RGS6: variants seen among roughly 807,000 people sequenced by gnomAD.
RGS6 encodes regulator of G protein signaling 6, also known as regulator of G-protein signaling 6.
A neutral mutation model predicts 78.5 loss-of-function variants in RGS6; 30 were observed. The observed-to-expected ratio is 0.38, with a 90% CI of 0.29 to 0.52. The LOEUF is 0.52. Among genes scored for constraint, RGS6 ranks in the 20% least tolerant of loss-of-function variants. The pLI is 0.85. For synonymous variants in RGS6, 206 were observed against 206.0 expected (o/e 1.00, Z 0.00); for missense variants, 495 against 609.7 (o/e 0.81, Z 1.98).
At chr14:71,868,134 G>A in the RGS6 span, among the ~76,000 whole-genome samples, 1 of 152,170 alleles carries the variant, frequency 6.6e-6, no homozygotes, top group Non-Finnish European at 1.5e-5. Flanking sequence ...ACATCAGCAG[G>A]AATTGCATAG....
At chr14:72,245,877 G>A (rs2054101669) in intron 2 of RGS6, among the ~76,000 whole-genome samples, 1 of 152,142 alleles carries the variant, frequency 6.6e-6, no homozygotes, top group Admixed American at 6.5e-5. Context: ...GAAACAACAA[G>A]GTCTGTATGT....
chr14:72,615,194 G>T, the RGS6 span, among the ~76,000 whole-genome samples: 12 of 152,258 alleles, frequency 7.9e-5, no homozygotes, highest in Admixed American at 5.9e-4. Context: ...AGCCTGGGGG[G>T]CAGGGATGTG....
chr14:72,339,586 T>G (rs1346467840), intron 2 of RGS6, among the ~76,000 whole-genome samples: 1 of 151,092 alleles, frequency 6.6e-6, no homozygotes, highest in African/African-American at 2.4e-5. Context: ...ATGTAAAGAG[T>G]GGGAAGTGGG....
At chr14:72,113,078 G>GCACACA (rs1567229148) in intron 2 of RGS6, among the ~76,000 whole-genome samples, 3 of 70,504 alleles carry the variant, frequency 4.3e-5, no homozygotes, top group Non-Finnish European at 7.4e-5. Flanking sequence ...ACACACACAC[G>GCACACA]CATGCACGCA....
chr14:72,165,510 T>G (rs998347582), intron 2 of RGS6, among the ~76,000 whole-genome samples: 1 of 152,250 alleles, frequency 6.6e-6, no homozygotes, highest in Non-Finnish European at 1.5e-5. Flanking sequence ...AAAAGCGCAT[T>G]GCTGGGATTC....
intron 2 of RGS6, among the ~76,000 whole-genome samples, chr14:72,228,250 G>A (rs1458844221): frequency 1.3e-4 from 19 of 151,892 alleles, no homozygotes; most frequent in Non-Finnish European, 2.4e-4. Flanking sequence ...GCATTGTGGC[G>A]GGCGCCTGTA....
chr14:72,207,445 G>GATTGTCCACCCA (rs2042980544), intron 2 of RGS6, among the ~76,000 whole-genome samples: 1 of 152,168 alleles, frequency 6.6e-6, no homozygotes. Context: ...TTGTTCATCC[G>GATTGTCCACCCA]TACATCTAGA....
the RGS6 span, among the ~76,000 whole-genome samples, chr14:71,896,517 G>A: frequency 6.6e-6 from 1 of 152,162 alleles, no homozygotes; most frequent in Non-Finnish European, 1.5e-5. Flanking sequence ...TGTTTTATCA[G>A]CAAGGTCTTT....
chr14:72,595,744 T>C, the RGS6 span, among the ~76,000 whole-genome samples: 8 of 152,266 alleles, frequency 5.3e-5, no homozygotes, highest in Non-Finnish European at 8.8e-5. Flanking sequence ...AAGGTTACTC[T>C]GGTATTTAGC....
At chr14:72,580,317 C>A in the RGS6 span, among the ~76,000 whole-genome samples, 8 of 148,810 alleles carry the variant, frequency 5.4e-5, no homozygotes, top group East Asian at 2.0e-4. Context: ...TCCCCCCCAC[C>A]CCGACCCCAG....
chr14:71,869,950 G>A, the RGS6 span, among the ~76,000 whole-genome samples: 1 of 152,260 alleles, frequency 6.6e-6, no homozygotes, highest in East Asian at 1.9e-4. Flanking sequence ...CTGGATGCCA[G>A]CACCTTGATA....
chr14:72,134,188 TC>T (rs1309233730), intron 2 of RGS6, among the ~76,000 whole-genome samples: 1 of 152,204 alleles, frequency 6.6e-6, no homozygotes, highest in Non-Finnish European at 1.5e-5. Flanking sequence ...ATTGAACATC[TC>T]TGGTGATTTT....
intron 3 of RGS6, among the ~76,000 whole-genome samples, chr14:72,414,987 C>T (rs1056980213): frequency 1.2e-4 from 18 of 152,198 alleles, no homozygotes; most frequent in African/African-American, 4.3e-4. Context: ...CCCAGTTAGG[C>T]TACTCGGGGG....
chr14:71,889,593 G>C, the RGS6 span, among the ~76,000 whole-genome samples: 1 of 152,156 alleles, frequency 6.6e-6, no homozygotes, highest in Non-Finnish European at 1.5e-5. Context: ...GTCAGAGAGG[G>C]GATAATTGAG....
chr14:71,942,862 G>A, intron 1 of RGS6, among the ~76,000 whole-genome samples: 1 of 148,368 alleles, frequency 6.7e-6, no homozygotes, highest in Non-Finnish European at 1.5e-5. Context: ...GAACAAAATA[G>A]ATCCTCATTC....
intron 3 of RGS6, among the ~76,000 whole-genome samples, chr14:72,369,012 C>G (rs2082947151): frequency 6.6e-6 from 1 of 152,138 alleles, no homozygotes; most frequent in Admixed American, 6.5e-5. Context: ...ATAAAATGCA[C>G]TAACACTAAC....
intron 3 of RGS6, among the ~76,000 whole-genome samples, chr14:72,411,885 G>C (rs1413087515): frequency 6.6e-6 from 1 of 152,178 alleles, no homozygotes; most frequent in Non-Finnish European, 1.5e-5. Context: ...ATTTTCGTAT[G>C]TTGAACCAGC....
chr14:72,196,116 G>A (rs1247870578), intron 2 of RGS6, among the ~76,000 whole-genome samples: 6 of 152,100 alleles, frequency 3.9e-5, no homozygotes, highest in Non-Finnish European at 7.4e-5. Context: ...GAGATGCAGC[G>A]AGAATTCGAA....
chr14:72,125,131 G>T (rs761536928), intron 2 of RGS6, among the ~76,000 whole-genome samples: 7 of 152,122 alleles, frequency 4.6e-5, no homozygotes, highest in Non-Finnish European at 1.0e-4. Flanking sequence ...GTCCTGAGGG[G>T]GACGTCTTTG....
Sources: gnomAD v4.1 joint callset for allele counts (sites outside exome capture counted in the v4.1 genomes callset) on GRCh38, gnomAD v4.1.1 for gene constraint, MANE v1.5 for transcripts, NCBI Gene and HGNC (gene_info 2026-07-23, HGNC 2026-07-21) for gene names.